Variants in IL1RAPL1 observed in about 807,000 individuals in gnomAD.
The protein encoded by IL1RAPL1 is interleukin 1 receptor accessory protein like 1, also known as interleukin-1 receptor accessory protein-like 1.
In IL1RAPL1, 3 loss-of-function variants were observed where a neutral mutation model predicts 48.4. That is an observed-to-expected ratio of 0.06 (90% CI 0.03 to 0.16). The LOEUF (loss-of-function observed/expected upper bound fraction) is 0.16, where lower values mean the gene tolerates loss of function less well. Among genes scored for constraint, IL1RAPL1 ranks in the 10% least tolerant of loss-of-function variants. The pLI is 1.00. For synonymous variants in IL1RAPL1, 185 were observed against 187.7 expected (o/e 0.99, Z 0.12); for missense variants, 349 against 530.6 (o/e 0.66, Z 3.36).
chrX:29,472,664 C>G (rs1333279805), intron 5 of IL1RAPL1, among the ~76,000 whole-genome samples: 1 of 111,568 alleles, frequency 9.0e-6, no homozygotes, highest in Non-Finnish European at 1.9e-5. Flanking sequence ...CACTGGCTGC[C>G]TGGGTTCAGA....
At position 29,906,460 on chromosome X, in the gene IL1RAPL1, AATAT is replaced by A. The variant is rs1164023016; in HGVS notation, c.779-10945_779-10942del. On this transcript the variant is annotated intron_variant, in intron 6 of 10. Transcript: ENST00000378993. The stretch of plus-strand genomic sequence containing the variant: ...ATATTTCTTTCTACATAACTTTGTA[AATAT>A]ATATATATATATATATATATATATA... 1.9e-3 allele frequency among the ~76,000 whole-genome samples: 56 copies of A among 29,816 alleles called. 1 individual carries two copies. Among genetic ancestry groups the A allele is most frequent in the Non-Finnish European group, 2.3e-3 (38 of 16,288 alleles). The allele number at this position is 29,816 out of a possible 115,157, so 25.9% of individuals were successfully genotyped here. A position where few individuals can be genotyped will look rare whatever the true frequency, so the allele number is the denominator to read the frequency against.
intron 2 of IL1RAPL1, among the ~76,000 whole-genome samples, chrX:29,134,116 C>T (rs759190991): frequency 1.8e-5 from 2 of 111,793 alleles, no homozygotes; most frequent in Admixed American, 9.6e-5. Context: ...AACTTTTGGT[C>T]GTTTCCACCT....
chrX:29,334,017 C>CG (rs1932933010), intron 3 of IL1RAPL1, among the ~76,000 whole-genome samples: 1 of 65,638 alleles, frequency 1.5e-5, no homozygotes, highest in South Asian at 7.9e-4. Context: ...GCTGGCCGGG[C>CG]GGGGGGCTGA....
At chrX:29,750,123 G>A (rs1221883001) in intron 6 of IL1RAPL1, among the ~76,000 whole-genome samples, 1 of 111,979 alleles carries the variant, frequency 8.9e-6, no homozygotes, top group Non-Finnish European at 1.9e-5. Flanking sequence ...CCTCCTTTAT[G>A]TGTCACTTTC....
At chrX:28,723,098 C>T (rs749187388) in intron 1 of IL1RAPL1, among the ~76,000 whole-genome samples, 1 of 111,473 alleles carries the variant, frequency 9.0e-6, no homozygotes, top group East Asian at 2.8e-4. Flanking sequence ...CAGGATGATG[C>T]TGGCCTCATA....
At chrX:29,115,843 T>G (rs1210875952) in intron 2 of IL1RAPL1, among the ~76,000 whole-genome samples, 1 of 111,449 alleles carries the variant, frequency 9.0e-6, no homozygotes, top group Admixed American at 9.6e-5. Flanking sequence ...TTTACTGCCT[T>G]CTTTTTGAGT....
intron 1 of IL1RAPL1, among the ~76,000 whole-genome samples, chrX:28,645,113 C>T (rs1241427511): frequency 9.2e-6 from 1 of 109,252 alleles, no homozygotes; most frequent in East Asian, 2.9e-4. Context: ...TTTGGGAGGC[C>T]GAGGTGGGTG....
intron 3 of IL1RAPL1, among the ~76,000 whole-genome samples, chrX:29,362,952 G>A (rs986647482): frequency 3.6e-5 from 4 of 111,702 alleles, no homozygotes; most frequent in Non-Finnish European, 7.5e-5. Context: ...CTTATAACAA[G>A]TGTGTGGAAA....
chrX:28,942,690 G>A (rs1266090311), intron 2 of IL1RAPL1: 1 of 106,064 alleles, frequency 9.4e-6, no homozygotes, highest in Non-Finnish European at 2.0e-5. Flanking sequence ...AAAGAGAATC[G>A]TAAGTTTTAT....
chrX:29,322,013 A>C (rs929658245), intron 3 of IL1RAPL1, among the ~76,000 whole-genome samples: 2 of 110,680 alleles, frequency 1.8e-5, no homozygotes, highest in Non-Finnish European at 3.8e-5. Flanking sequence ...ATTTTGCAAA[A>C]AAAAAACCCT....
chrX:29,386,025 A>AT (rs1047449895), intron 3 of IL1RAPL1, among the ~76,000 whole-genome samples: 13 of 111,539 alleles, frequency 1.2e-4, no homozygotes, highest in African/African-American at 3.6e-4. Flanking sequence ...CTTTTTAAAA[A>AT]TTTTTTTTAA....
chrX:29,499,851 A>G (rs1935253603), intron 5 of IL1RAPL1, among the ~76,000 whole-genome samples: 1 of 112,282 alleles, frequency 8.9e-6, no homozygotes, highest in African/African-American at 3.2e-5. Context: ...TTTTGGGGGC[A>G]TATGTGATAA....
At chrX:28,922,940 G>T (rs1052931581) in intron 2 of IL1RAPL1, among the ~76,000 whole-genome samples, 2 of 111,567 alleles carry the variant, frequency 1.8e-5, no homozygotes, top group Non-Finnish European at 3.8e-5. Context: ...AGTATTCCAT[G>T]GTAAATGTGA....
intron 2 of IL1RAPL1, among the ~76,000 whole-genome samples, chrX:28,992,533 A>T (rs1475382533): frequency 9.1e-6 from 1 of 109,413 alleles, no homozygotes; most frequent in African/African-American, 3.3e-5. Flanking sequence ...AAAAAAAAAG[A>T]AAACTGCCAA....
At chrX:29,019,031 C>G (rs1037077092) in intron 2 of IL1RAPL1, among the ~76,000 whole-genome samples, 2 of 111,855 alleles carry the variant, frequency 1.8e-5, no homozygotes, top group African/African-American at 6.5e-5. Flanking sequence ...CGTCTTTCCT[C>G]ACAAGACAGT....
rs189731481 is a variant in IL1RAPL1 at position 29,665,344 on chromosome X, T to C, written c.704-3086T>C. On this transcript the variant is annotated intron_variant, in intron 5 of 10. Transcript: ENST00000378993. ...CATGGTCTAATGCTAAGAACGTTTC[T>C]TTTAAAATTGTAATTTGTTTGAATT... Among the ~76,000 whole-genome samples, 4 of 112,674 alleles carry C rather than the reference T, an allele frequency of 3.6e-5. No individual in the cohort carries two copies. The Admixed American group carries it at 3.7e-4, about 11-fold the overall frequency.
At chrX:29,797,219 C>T (rs1331462632) in intron 6 of IL1RAPL1, among the ~76,000 whole-genome samples, 2 of 112,551 alleles carry the variant, frequency 1.8e-5, no homozygotes, top group African/African-American at 6.5e-5. Flanking sequence ...TTGTACTCTA[C>T]TTGCCTTGGC....
chrX:29,253,304 G>A (rs770287453), intron 2 of IL1RAPL1, among the ~76,000 whole-genome samples: 21 of 110,892 alleles, frequency 1.9e-4, no homozygotes, highest in African/African-American at 6.9e-4. Context: ...ATAGTGAGTT[G>A]AGCAAATAGA....
chrX:29,442,210 G>T (rs1934554696), intron 5 of IL1RAPL1, among the ~76,000 whole-genome samples: 1 of 111,756 alleles, frequency 8.9e-6, no homozygotes, highest in South Asian at 3.7e-4. Flanking sequence ...ACAAAAATAG[G>T]TACATAGACC....
Sources: gnomAD v4.1 joint callset for allele counts (sites outside exome capture counted in the v4.1 genomes callset) on GRCh38, gnomAD v4.1.1 for gene constraint, MANE v1.5 for transcripts, NCBI Gene and HGNC (gene_info 2026-07-23, HGNC 2026-07-21) for gene names.